SLC25A12: variants seen among roughly 807,000 people sequenced by gnomAD.
SLC25A12 encodes the protein solute carrier family 25 member 12.
Under a neutral mutation model 83.3 loss-of-function variants are expected in SLC25A12, and 32 were observed. The ratio of observed to expected loss-of-function variants is 0.38; its 90% CI spans 0.29 to 0.52. The LOEUF (loss-of-function observed/expected upper bound fraction) is 0.52, where lower values mean the gene tolerates loss of function less well. Among genes scored for constraint, SLC25A12 ranks in the 20% least tolerant of loss-of-function variants. The probability of loss-of-function intolerance (pLI) is 0.84; values close to 1 mark genes in which losing one functional copy is unlikely to be tolerated. For missense variants in SLC25A12, 611 were observed against 835.6 expected, an observed-to-expected ratio of 0.73 and a Z score of 3.31; for synonymous variants, 267 against 291.1, an observed-to-expected ratio of 0.92 and a Z score of 0.84.
At chr2:171,862,104 G>A (rs181403518) in intron 3 of SLC25A12, among the ~76,000 whole-genome samples, 34 of 152,064 alleles carry the variant, frequency 2.2e-4, no homozygotes, top group Non-Finnish European at 3.2e-4. Flanking sequence ...TGCATAAAAG[G>A]TTCCTCTATA....
chr2:171,803,158 T>C (rs959592676), intron 13 of SLC25A12, among the ~76,000 whole-genome samples: 3 of 149,628 alleles, frequency 2.0e-5, no homozygotes, highest in African/African-American at 7.4e-5. Context: ...GGCTTAAAAA[T>C]CGGAAAAGAC....
At chr2:171,792,369 C>A (rs1021145366) in intron 14 of SLC25A12, among the ~76,000 whole-genome samples, 36 of 151,588 alleles carry the variant, frequency 2.4e-4, no homozygotes, top group African/African-American at 8.5e-4. Context: ...CTTGCTGTAG[C>A]CTTGACCGTC....
At chr2:171,873,171 G>A (rs776650008) in intron 2 of SLC25A12, among the ~76,000 whole-genome samples, 32 of 152,138 alleles carry the variant, frequency 2.1e-4, no homozygotes, top group South Asian at 2.1e-4. Context: ...GGGGAGGGCC[G>A]GATGCAGTGG....
At chr2:171,808,379 T>A (rs1225802019) in intron 13 of SLC25A12, among the ~76,000 whole-genome samples, 2 of 150,538 alleles carry the variant, frequency 1.3e-5, no homozygotes, top group African/African-American at 4.9e-5. Flanking sequence ...TATCTGAGTC[T>A]CTTGGTTCAG....
intron 13 of SLC25A12, among the ~76,000 whole-genome samples, chr2:171,799,713 A>C (rs1339103201): frequency 6.6e-6 from 1 of 152,196 alleles, no homozygotes; most frequent in Non-Finnish European, 1.5e-5. Context: ...TCCCACAACC[A>C]TGCTCTCTGC....
intron 5 of SLC25A12, among the ~76,000 whole-genome samples, chr2:171,839,925 T>A (rs1052935164): frequency 1.3e-5 from 2 of 152,154 alleles, no homozygotes; most frequent in Admixed American, 1.3e-4. Context: ...CTCCACCCTT[T>A]CCCAACCTTG....
At chr2:171,884,208 C>T (rs957012906) in intron 2 of SLC25A12, among the ~76,000 whole-genome samples, 2 of 145,632 alleles carry the variant, frequency 1.4e-5, no homozygotes, top group South Asian at 2.2e-4. Context: ...TTTTTCCCCC[C>T]GAGACTGAGT....
At chr2:171,825,538 C>A (rs1048681415) in intron 9 of SLC25A12, among the ~76,000 whole-genome samples, 3 of 152,144 alleles carry the variant, frequency 2.0e-5, no homozygotes, top group Admixed American at 6.5e-5. Context: ...GCAGACATAG[C>A]CTCTTTCTAT....
chr2:171,791,830 T>C (rs957018028), intron 14 of SLC25A12, among the ~76,000 whole-genome samples: 1 of 152,182 alleles, frequency 6.6e-6, no homozygotes, highest in East Asian at 1.9e-4. Flanking sequence ...CCTGCAGTCC[T>C]AGAGTTAATA....
chr2:171,887,483 G>T (rs1457678376), intron 2 of SLC25A12, among the ~76,000 whole-genome samples: 1 of 152,142 alleles, frequency 6.6e-6, no homozygotes, highest in Non-Finnish European at 1.5e-5. Flanking sequence ...AAGAGAGAGA[G>T]ATTAAAAAAT....
intron 4 of SLC25A12, among the ~76,000 whole-genome samples, chr2:171,849,597 G>T (rs1418728723): frequency 1.1e-4 from 13 of 118,476 alleles, no homozygotes; most frequent in Non-Finnish European, 1.6e-5. Flanking sequence ...GTTTTGCTCT[G>T]TTGCCCAGGC....
intron 13 of SLC25A12, among the ~76,000 whole-genome samples, chr2:171,795,690 A>G (rs748620335): frequency 1.3e-5 from 2 of 152,194 alleles, no homozygotes; most frequent in Non-Finnish European, 2.9e-5. Context: ...CATTATGTTT[A>G]AATAAATACT....
rs553164889 is a variant in SLC25A12 at position 171,819,147 on chromosome 2, T to A, written c.931-3945A>T. Among the ~76,000 whole-genome samples the A allele has an allele frequency of 1.6e-3, 223 of 138,128 alleles. 4 individuals carry two copies. The highest frequency in any genetic ancestry group is 6.0e-3 in the African/African-American group (221 of 37,050). The allele number at this position is 138,128 out of a possible 152,430, so 90.6% of individuals were successfully genotyped here. On this transcript the variant is annotated intron_variant, in intron 9 of 17. Transcript: ENST00000422440. ...ATATAATACATATTATATATAAATA[T>A]AAAATATATGATATATAATACGTAT...
At chr2:171,832,124 C>T (rs981972491) in intron 8 of SLC25A12, among the ~76,000 whole-genome samples, 1 of 152,136 alleles carries the variant, frequency 6.6e-6, no homozygotes, top group South Asian at 2.1e-4. Context: ...TAGTTCAAGG[C>T]ACTTTAAAGG....
chr2:171,867,449 A>G (rs1685357260), intron 3 of SLC25A12, among the ~76,000 whole-genome samples: 1 of 152,168 alleles, frequency 6.6e-6, no homozygotes, highest in Middle Eastern at 3.2e-3. Flanking sequence ...CGGCCAACAC[A>G]GCGAAACCCC....
chr2:171,876,641 T>C (rs1158018673), intron 2 of SLC25A12, among the ~76,000 whole-genome samples: 1 of 151,990 alleles, frequency 6.6e-6, no homozygotes, highest in African/African-American at 2.4e-5. Context: ...TTTCAGTTTT[T>C]ATTTTTTTGT....
In SLC25A12 at chr2:171,793,849, T is replaced by C; in HGVS notation, c.1306-82A>G. The stretch of plus-strand genomic sequence containing the variant: ...TAAAAAAGGAAAATCCAGCAAAGCC[T>C]CCACATCTTGCTATCTTGAAAAGAA... On this transcript the variant is annotated intron_variant, in intron 13 of 17. Coordinates refer to ENST00000422440, the MANE Select transcript of SLC25A12 (RefSeq NM_003705.5). The C allele has an allele frequency of 2.7e-6, 4 of 1,486,164 alleles. No individual in the cohort carries two copies. In the South Asian group the frequency reaches 4.5e-5, roughly 17 times the overall value. 92.1% of individuals were successfully genotyped at this position (1,486,164 alleles called of 1,614,324 possible). A position where few individuals can be genotyped will look rare whatever the true frequency, so the allele number is the denominator to read the frequency against.
intron 3 of SLC25A12, among the ~76,000 whole-genome samples, chr2:171,858,827 C>CT (rs1685094284): frequency 6.6e-6 from 1 of 152,204 alleles, no homozygotes; most frequent in Non-Finnish European, 1.5e-5. Context: ...ACAGACCACA[C>CT]TGTCCTTGTG....
intron 4 of SLC25A12, among the ~76,000 whole-genome samples, chr2:171,846,907 T>A (rs997905702): frequency 6.6e-6 from 1 of 152,196 alleles, no homozygotes; most frequent in African/African-American, 2.4e-5. Flanking sequence ...ACTTTAGATA[T>A]CCTATTTCAT....
Sources: allele counts gnomAD v4.1 joint callset (sites outside exome capture counted in the v4.1 genomes callset), GRCh38; gene constraint gnomAD v4.1.1; transcripts MANE v1.5; gene names NCBI Gene and HGNC (gene_info 2026-07-23, HGNC 2026-07-21).